Variants in ZC3H12B observed in about 807,000 individuals in gnomAD.
ZC3H12B encodes zinc finger CCCH-type containing 12B.
In ZC3H12B, 7 loss-of-function variants were observed where a neutral mutation model predicts 43.9. The observed-to-expected ratio is 0.16, with a 90% confidence interval of 0.09 to 0.30. The LOEUF (loss-of-function observed/expected upper bound fraction) is 0.30. Ranked by LOEUF, ZC3H12B falls within the 10% of genes least tolerant of loss-of-function variation. The pLI is 1.00. For synonymous variants in ZC3H12B, 222 were observed against 241.7 expected (o/e 0.92, Z 0.76); for missense variants, 475 against 670.2 (o/e 0.71, Z 3.22).
chrX:65,224,696 TA>T, the ZC3H12B span, among the ~76,000 whole-genome samples: 1 of 111,924 alleles, frequency 8.9e-6, no homozygotes. Flanking sequence ...CCGACGGGCT[TA>T]AAAAACGGCA....
intron 3 of ZC3H12B, among the ~76,000 whole-genome samples, chrX:65,480,383 T>C (rs1441760238): frequency 8.9e-6 from 1 of 112,635 alleles, no homozygotes; most frequent in Non-Finnish European, 1.9e-5. Flanking sequence ...GATTTTTAAT[T>C]ATATCTTTCC....
intron 3 of ZC3H12B, among the ~76,000 whole-genome samples, chrX:65,453,694 C>G (rs1231141052): frequency 9.2e-6 from 1 of 108,662 alleles, no homozygotes; most frequent in Non-Finnish European, 1.9e-5. Flanking sequence ...CGCACTCGAG[C>G]CTCGAGCCTA....
At chrX:65,178,596 C>T in the ZC3H12B span, among the ~76,000 whole-genome samples, 15 of 112,054 alleles carry the variant, frequency 1.3e-4, no homozygotes, top group African/African-American at 3.9e-4. Context: ...AAAAAGTGGG[C>T]GAAGGATGTG....
At chrX:65,119,432 G>A in the ZC3H12B span, among the ~76,000 whole-genome samples, 1 of 112,040 alleles carries the variant, frequency 8.9e-6, no homozygotes, top group Non-Finnish European at 1.9e-5. Context: ...GTCTCTGTTG[G>A]CTGCATAAAT....
At chrX:65,149,725 C>A in the ZC3H12B span, among the ~76,000 whole-genome samples, 1 of 106,898 alleles carries the variant, frequency 9.4e-6, no homozygotes, top group South Asian at 4.2e-4. Context: ...GATCACACCA[C>A]TGCACTGCAG....
the ZC3H12B span, among the ~76,000 whole-genome samples, chrX:65,311,706 G>T: frequency 9.0e-6 from 1 of 111,499 alleles, no homozygotes; most frequent in Non-Finnish European, 1.9e-5. Context: ...TATGTTTTTT[G>T]TGGCCCTATT....
the ZC3H12B span, among the ~76,000 whole-genome samples, chrX:65,135,771 A>G: frequency 1.4e-5 from 1 of 71,871 alleles, no homozygotes; most frequent in African/African-American, 6.3e-5. Context: ...TTTTTTGAGT[A>G]ATTTTTTCTG....
chrX:65,428,547 C>T lies in ZC3H12B; in HGVS notation n.407+29843C>T, dbSNP rs769798122. On this transcript the variant is annotated intron_variant and non_coding_transcript_variant, in intron 3 of 5. Coordinates refer to the ZC3H12B transcript ENST00000617377. ...TCTTTCCTCCATTTGGTCTATTCTG[C>T]TATTAACATTTATGATTGCATTGTG... 2.7e-5 allele frequency among the ~76,000 whole-genome samples: 3 copies of T among 112,726 alleles called. No individual in the cohort carries two copies. The South Asian group carries it at 1.1e-3, about 41-fold the overall frequency.
At chrX:65,180,667 G>C in the ZC3H12B span, among the ~76,000 whole-genome samples, 1 of 110,934 alleles carries the variant, frequency 9.0e-6, no homozygotes, top group African/African-American at 3.3e-5. Flanking sequence ...ATTCAGAATT[G>C]CTACAAACAG....
In ZC3H12B at chrX:65,405,565, A is replaced by T. The variant is rs190134903; in HGVS notation, n.407+6861A>T. ...AACCCAGGAGGCGGAGGCTGCCGTG[A>T]GCCAAGATAGCAGCACTGCACTCCC... is the stretch of plus-strand genomic sequence containing the variant. On this transcript the variant is annotated intron_variant and non_coding_transcript_variant, in intron 3 of 5. Transcript: ENST00000617377. 1.4e-4 allele frequency among the ~76,000 whole-genome samples: 16 copies of T among 111,595 alleles called. No individual in the cohort carries two copies. The East Asian group carries it at 4.5e-3, about 31-fold the overall frequency.
chrX:65,081,793 T>C, the ZC3H12B span, among the ~76,000 whole-genome samples: 1 of 111,941 alleles, frequency 8.9e-6, no homozygotes, highest in Non-Finnish European at 1.9e-5. Context: ...CTAATAGATA[T>C]TTATAGAGCA....
At chrX:65,378,931 A>C (rs188467703) in intron 2 of ZC3H12B, among the ~76,000 whole-genome samples, 1 of 112,521 alleles carries the variant, frequency 8.9e-6, no homozygotes, top group East Asian at 2.8e-4. Context: ...AGGAGATTAT[A>C]TCCCCCACAT....
At chrX:65,078,785 T>C in the ZC3H12B span, among the ~76,000 whole-genome samples, 1 of 111,712 alleles carries the variant, frequency 9.0e-6, no homozygotes, top group East Asian at 2.8e-4. Context: ...GTACATGAGA[T>C]ATTTTGATAT....
chrX:65,428,801 A>G lies in ZC3H12B; in HGVS notation n.407+30097A>G, dbSNP rs372521502. 5.2e-4 allele frequency among the ~76,000 whole-genome samples: 58 copies of G among 111,867 alleles called. 1 individual carries two copies. In the South Asian group the frequency reaches 0.02, roughly 38 times the overall value. On this transcript the variant is annotated intron_variant and non_coding_transcript_variant, in intron 3 of 5. Transcript: ENST00000617377. ...GCCCAGTTCTGAGCTCTTCCTGGAG[A>G]GGTCATTTGGAGGAGAAGGGGCACT... is the stretch of plus-strand genomic sequence containing the variant.
chrX:65,193,107 AG>A, the ZC3H12B span, among the ~76,000 whole-genome samples: 1 of 90,292 alleles, frequency 1.1e-5, no homozygotes, highest in East Asian at 3.1e-4. Flanking sequence ...ATTGGCCTGA[AG>A]GTTTTTTTTT....
At chrX:65,225,514 A>C in the ZC3H12B span, among the ~76,000 whole-genome samples, 2 of 112,685 alleles carry the variant, frequency 1.8e-5, no homozygotes, top group Admixed American at 9.3e-5. Flanking sequence ...AATGGAGCAA[A>C]GCTGGACGGA....
chrX:65,353,231 C>T, the ZC3H12B span, among the ~76,000 whole-genome samples: 1 of 111,437 alleles, frequency 9.0e-6, no homozygotes, highest in African/African-American at 3.3e-5. Flanking sequence ...CGACAGGGTA[C>T]TTAATAAATG....
At chrX:65,310,502 C>G in the ZC3H12B span, among the ~76,000 whole-genome samples, 3 of 110,849 alleles carry the variant, frequency 2.7e-5, no homozygotes, top group African/African-American at 9.8e-5. Context: ...GAATAAAAGA[C>G]AAACAAATGG....
chrX:65,153,166 G>A, the ZC3H12B span, among the ~76,000 whole-genome samples: 3 of 112,026 alleles, frequency 2.7e-5, no homozygotes, highest in Non-Finnish European at 5.6e-5. Context: ...TCAGGACATA[G>A]GCATGGGCAA....
Sources: allele counts gnomAD v4.1 joint callset (sites outside exome capture counted in the v4.1 genomes callset), GRCh38; gene constraint gnomAD v4.1.1; transcripts MANE v1.5; gene names NCBI Gene and HGNC (gene_info 2026-07-23, HGNC 2026-07-21).